PTPRD: variants seen among roughly 807,000 people sequenced by gnomAD.
PTPRD encodes protein tyrosine phosphatase receptor type D.
In PTPRD, 34 loss-of-function variants were observed where a neutral mutation model predicts 214.5. That is an observed-to-expected ratio of 0.16 (90% confidence interval 0.12 to 0.21). The LOEUF (loss-of-function observed/expected upper bound fraction) is 0.21. PTPRD is among the 10% of genes least tolerant of loss of function. PTPRD has a pLI of 1.00. For missense variants in PTPRD, 2,545 were observed against 2,398.7 expected, an observed-to-expected ratio of 1.06 and a Z score of -1.27; for synonymous variants, 1,128 against 845.7, an observed-to-expected ratio of 1.33 and a Z score of -5.79.
chr9:8,504,505 A>C (rs1563905842), intron 22 of PTPRD, 100 bp from the exon 23 acceptor site: 1 of 1,328,556 alleles, frequency 7.5e-7, no homozygotes, highest in Admixed American at 1.9e-5. Context: ...TCAGGATTAT[A>C]ATCTCATCAA....
chr9:8,641,249 C>G (rs1036321157), intron 12 of PTPRD, among the ~76,000 whole-genome samples: 1 of 148,128 alleles, frequency 6.8e-6, no homozygotes. Flanking sequence ...AGATTTGAAT[C>G]GTGAAAATCT....
chr9:8,592,678 G>C (rs2094198762), intron 14 of PTPRD, among the ~76,000 whole-genome samples: 1 of 152,188 alleles, frequency 6.6e-6, no homozygotes, highest in Non-Finnish European at 1.5e-5. Flanking sequence ...CGTGGTTACT[G>C]AGTGGCAGAT....
intron 11 of PTPRD, among the ~76,000 whole-genome samples, chr9:8,950,794 A>G (rs1369321178): frequency 6.6e-6 from 1 of 151,872 alleles, no homozygotes; most frequent in Non-Finnish European, 1.5e-5. Flanking sequence ...CACTAAGGCC[A>G]GAGAGGTTAG....
At chr9:9,829,364 C>T (rs541800731) in intron 5 of PTPRD, among the ~76,000 whole-genome samples, 2 of 151,864 alleles carry the variant, frequency 1.3e-5, no homozygotes, top group African/African-American at 2.4e-5. Flanking sequence ...CATATTTATT[C>T]ATGGGTATTA....
At chr9:8,348,723 T>G (rs917406473) in intron 39 of PTPRD, among the ~76,000 whole-genome samples, 19 of 152,156 alleles carry the variant, frequency 1.2e-4, no homozygotes, top group Non-Finnish European at 5.9e-5. Context: ...TAAACATGTT[T>G]TATGCTTTCC....
At chr9:9,220,159 G>A (rs1005745401) in intron 9 of PTPRD, among the ~76,000 whole-genome samples, 6 of 151,990 alleles carry the variant, frequency 3.9e-5, no homozygotes, top group African/African-American at 1.5e-4. Context: ...ATCATTGAAG[G>A]ACTACCTAAA....
chr9:10,187,174 A>C (rs1349206628), intron 3 of PTPRD, among the ~76,000 whole-genome samples: 1 of 152,150 alleles, frequency 6.6e-6, no homozygotes, highest in Non-Finnish European at 1.5e-5. Flanking sequence ...TTTCATGGTT[A>C]AAATGCTGTG....
At chr9:8,545,011 A>T (rs1214737469) in intron 14 of PTPRD, among the ~76,000 whole-genome samples, 1 of 150,100 alleles carries the variant, frequency 6.7e-6, no homozygotes, top group African/African-American at 2.5e-5. Flanking sequence ...ACTTTCTGGG[A>T]TATTCACTTT....
At chr9:8,495,677 G>A (rs914492830) in intron 26 of PTPRD, among the ~76,000 whole-genome samples, 2 of 152,150 alleles carry the variant, frequency 1.3e-5, no homozygotes, top group Admixed American at 6.5e-5. Context: ...TTTTATTTTA[G>A]TTAAACAGAG....
At chr9:9,015,800 T>C (rs188474600) in intron 11 of PTPRD, among the ~76,000 whole-genome samples, 3 of 152,258 alleles carry the variant, frequency 2.0e-5, no homozygotes, top group Admixed American at 2.0e-4. Flanking sequence ...AATGTACATT[T>C]GGATATAATA....
Position 9,543,891 on chromosome 9 carries a change from G to A in PTPRD, c.-237+30841C>T, listed in dbSNP as rs139610328. On this transcript the variant is annotated intron_variant, in intron 8 of 45. Transcript: ENST00000381196. ...TTAAAACAATTTGTGTTTATTAAACGTATATTAGAAGCTACCATTTTCCAG... is the reference window on the plus strand; with the variant it reads ...TTAAAACAATTTGTGTTTATTAAACATATATTAGAAGCTACCATTTTCCAG... Among the ~76,000 whole-genome samples, 1,080 of 151,672 alleles carry A rather than the reference G, an allele frequency of 7.1e-3. 11 individuals are homozygous for A. The highest frequency in any genetic ancestry group is 0.024 in the African/African-American group (1,011 of 41,478).
intron 11 of PTPRD, among the ~76,000 whole-genome samples, chr9:8,803,849 G>C (rs7870940): frequency 0.51 from 76,783 of 151,848 alleles, 20,316 homozygotes; most frequent in Middle Eastern, 0.64. Context: ...AAAGCCATGT[G>C]CAAAACCTAT....
chr9:8,464,769 G>C (rs544525269), intron 32 of PTPRD, among the ~76,000 whole-genome samples: 3 of 150,666 alleles, frequency 2.0e-5, no homozygotes, highest in South Asian at 4.2e-4. Flanking sequence ...ATATAAGCAA[G>C]ATGGATTACA....
chr9:9,783,322 C>A (rs1301555458), intron 5 of PTPRD, among the ~76,000 whole-genome samples: 2 of 152,084 alleles, frequency 1.3e-5, no homozygotes, highest in Non-Finnish European at 2.9e-5. Flanking sequence ...TTCTTTCTTG[C>A]ATGAAATATC....
intron 7 of PTPRD, among the ~76,000 whole-genome samples, chr9:9,713,014 C>T (rs2097763472): frequency 6.6e-6 from 1 of 152,200 alleles, no homozygotes; most frequent in African/African-American, 2.4e-5. Context: ...TAATCCCTGA[C>T]AAACAATCCT....
At chr9:10,318,350 T>C (rs916602540) in intron 3 of PTPRD, among the ~76,000 whole-genome samples, 11 of 152,020 alleles carry the variant, frequency 7.2e-5, no homozygotes, top group African/African-American at 2.7e-4. Context: ...TATCTTTGAT[T>C]CTTAACTTTA....
intron 27 of PTPRD, among the ~76,000 whole-genome samples, chr9:8,487,598 G>A (rs1232975784): frequency 1.3e-5 from 2 of 152,012 alleles, no homozygotes; most frequent in Admixed American, 6.6e-5. Context: ...ATCACCTGAG[G>A]TTGGGAGTTT....
intron 3 of PTPRD, among the ~76,000 whole-genome samples, chr9:10,196,594 G>A (rs975333159): frequency 2.0e-5 from 3 of 152,070 alleles, no homozygotes; most frequent in African/African-American, 7.2e-5. Flanking sequence ...TATTAAAATT[G>A]TACTATATTT....
At chr9:8,592,220 C>G (rs2094158389) in intron 14 of PTPRD, among the ~76,000 whole-genome samples, 1 of 152,160 alleles carries the variant, frequency 6.6e-6, no homozygotes, top group Non-Finnish European at 1.5e-5. Context: ...TCTAGCTCTT[C>G]TTAAAGTTTC....
Sources: gnomAD v4.1 joint callset for allele counts (sites outside exome capture counted in the v4.1 genomes callset) on GRCh38, gnomAD v4.1.1 for gene constraint, MANE v1.5 for transcripts, NCBI Gene and HGNC (gene_info 2026-07-23, HGNC 2026-07-21) for gene names.